OTUD7A: variants seen among roughly 807,000 people sequenced by gnomAD.
OTUD7A encodes OTU domain-containing protein 7A.
OTUD7A carries 12 observed loss-of-function variants against 65.7 expected under a neutral mutation model. That is an observed-to-expected ratio of 0.18 (90% CI 0.12 to 0.30). The LOEUF is 0.30. Ranked by LOEUF, OTUD7A falls within the 10% of genes least tolerant of loss-of-function variation. The pLI is 1.00. For synonymous variants in OTUD7A, 641 were observed against 586.3 expected (o/e 1.09, Z -1.35); for missense variants, 1,148 against 1,304.8 (o/e 0.88, Z 1.85).
chr15:31,741,284 C>T (rs184091009), intron 1 of OTUD7A, among the ~76,000 whole-genome samples: 88 of 152,150 alleles, frequency 5.8e-4, no homozygotes, highest in African/African-American at 2.0e-3. Flanking sequence ...GTGGTGGGAA[C>T]AAGGATATAG....
intron 3 of OTUD7A, among the ~76,000 whole-genome samples, chr15:31,581,524 T>C (rs1464477821): frequency 6.6e-6 from 1 of 152,266 alleles, no homozygotes; most frequent in African/African-American, 2.4e-5. Flanking sequence ...TGCATTTCCA[T>C]ACATCCTCTG....
chr15:31,853,553 C>T (rs1209224389), intron 1 of OTUD7A, among the ~76,000 whole-genome samples: 2 of 152,212 alleles, frequency 1.3e-5, no homozygotes, highest in Non-Finnish European at 2.9e-5. Context: ...ATGGCCTAGC[C>T]CCAATGTGGT....
At chr15:31,772,718 T>C (rs1360981375) in intron 1 of OTUD7A, among the ~76,000 whole-genome samples, 1 of 152,158 alleles carries the variant, frequency 6.6e-6, no homozygotes, top group Non-Finnish European at 1.5e-5. Flanking sequence ...AAAAACAAAC[T>C]CTTAAAAAGA....
chr15:31,519,334 C>T (rs8038614), intron 8 of OTUD7A, among the ~76,000 whole-genome samples: 2,393 of 152,314 alleles, frequency 0.016, 58 homozygotes, highest in African/African-American at 0.055. Context: ...GTTGAATCAT[C>T]CTTGCATTCC....
intron 8 of OTUD7A, among the ~76,000 whole-genome samples, chr15:31,515,538 T>G (rs1463589308): frequency 6.6e-6 from 1 of 152,206 alleles, no homozygotes; most frequent in African/African-American, 2.4e-5. Context: ...TCTGCCTTCA[T>G]GTAACATCTA....
intron 4 of OTUD7A, among the ~76,000 whole-genome samples, chr15:31,559,446 C>T (rs1566919987): frequency 6.6e-6 from 1 of 152,076 alleles, no homozygotes; most frequent in East Asian, 1.9e-4. Context: ...CACTTATAAG[C>T]AGAGATATAC....
intron 1 of OTUD7A, among the ~76,000 whole-genome samples, chr15:31,697,354 C>T (rs1893106629): frequency 6.9e-6 from 1 of 144,588 alleles, no homozygotes; most frequent in Non-Finnish European, 1.5e-5. Context: ...CACTCACCCA[C>T]ATTACTTTCT....
intron 3 of OTUD7A, among the ~76,000 whole-genome samples, chr15:31,643,437 C>A (rs139610848): frequency 3.9e-4 from 59 of 152,284 alleles, no homozygotes; most frequent in Admixed American, 2.2e-3. Context: ...TTTTTCATCT[C>A]AGATGTAGTC....
At chr15:31,833,681 C>G (rs1301669156) in intron 1 of OTUD7A, among the ~76,000 whole-genome samples, 1 of 152,240 alleles carries the variant, frequency 6.6e-6, no homozygotes, top group Non-Finnish European at 1.5e-5. Flanking sequence ...TTTATTGACA[C>G]TCTTTTAGAA....
Position 31,487,477 on chromosome 15 carries a change from C to G in OTUD7A, c.1261G>C (p.Asp421His). ...TGGGCCAGCCGGGCGTTATCGTTGT[C>G]GTCTTTCCCCCACTCCCAGTCCTTG... ...PGKDWEWGKD[D>H]NDNARLAHLI... is the part of the protein sequence containing the mutation. The change falls in exon 11 of 13, where the codon GAC becomes CAC. Residue 421 changes from aspartate (D) to histidine (H), a missense_variant. Physicochemically the swap from Asp to His is moderately conservative, Grantham distance 81. This residue lies in a region of OTUD7A where 842 missense variants were observed against 769.5 expected (regional missense o/e 1.09). Coordinates refer to ENST00000307050, the MANE Select transcript of OTUD7A (RefSeq NM_001382637.1). This position sits in a 1 kb window ranked among gnomAD's most constrained non-coding sequence, Gnocchi z 6.0. 2 of 1,614,020 alleles carry G rather than the reference C, an allele frequency of 1.2e-6. No homozygotes were observed. Among genetic ancestry groups the G allele is most frequent in the Non-Finnish European group, 1.7e-6 (2 of 1,180,006 alleles).
chr15:31,757,171 T>C (rs1279589446), intron 1 of OTUD7A, among the ~76,000 whole-genome samples: 3 of 152,058 alleles, frequency 2.0e-5, no homozygotes, highest in African/African-American at 7.2e-5. Context: ...CAGATCTCAT[T>C]AATCCTGCAC....
intron 4 of OTUD7A, among the ~76,000 whole-genome samples, chr15:31,562,991 T>C (rs559203368): frequency 6.6e-6 from 1 of 152,258 alleles, no homozygotes; most frequent in Admixed American, 6.5e-5. Context: ...AGAAACTCTG[T>C]AATTCAATAG....
intron 1 of OTUD7A, among the ~76,000 whole-genome samples, chr15:31,658,434 G>A (rs532768927): frequency 3.3e-5 from 5 of 152,202 alleles, no homozygotes; most frequent in East Asian, 1.9e-4. Context: ...CTTCAATTCC[G>A]TCTTCTTTCC....
intron 3 of OTUD7A, among the ~76,000 whole-genome samples, chr15:31,577,531 C>T (rs1229495322): frequency 6.6e-6 from 1 of 152,128 alleles, no homozygotes; most frequent in East Asian, 1.9e-4. Flanking sequence ...GTATACCTTA[C>T]ATGTATTGAT....
At position 31,483,959 on chromosome 15, in the gene OTUD7A, G is replaced by A; in HGVS notation, c.2137C>T (p.Pro713Ser). The A allele has an allele frequency of 8.8e-7, 1 of 1,131,498 alleles. No homozygotes were observed. Among genetic ancestry groups the A allele is most frequent in the South Asian group, 2.6e-5 (1 of 37,928 alleles). 70.1% of individuals were successfully genotyped at this position (1,131,498 alleles called of 1,614,324 possible). The stretch of plus-strand genomic sequence containing the variant: ...GGTGGGCCCGGAGAGGCGCGCTCCG[G>A]GACCGGCACGCCCTCCGTCTCCGGT... ...RRPETEGVPVPERASPGPPTQ... is the reference protein window; with the variant it reads ...RRPETEGVPVSERASPGPPTQ... Residue 713 changes from proline (P) to serine (S), a missense_variant, in exon 13 of 13, where the codon CCG (proline) becomes TCG (serine). By Grantham distance (74) the Pro-to-Ser change is moderately conservative (BLOSUM62 -1). Around this residue, in one of 6 missense-constraint regions of OTUD7A, gnomAD observed 842 missense variants for 769.5 expected, o/e 1.09. Coordinates refer to ENST00000307050, the MANE Select transcript of OTUD7A (RefSeq NM_001382637.1).
chr15:31,767,619 G>T, intron 1 of OTUD7A: 1 of 795,948 alleles, frequency 1.3e-6, no homozygotes, highest in Non-Finnish European at 2.3e-6. Context: ...ATAGTTTGCA[G>T]GTAGATCAGA....
intron 1 of OTUD7A, among the ~76,000 whole-genome samples, chr15:31,721,111 C>T (rs1390628131): frequency 1.3e-5 from 2 of 152,246 alleles, no homozygotes; most frequent in African/African-American, 2.4e-5. Context: ...CACACAATGA[C>T]AAAATCACCT....
intron 10 of OTUD7A, 69 bp downstream of exon 10, chr15:31,501,620 TG>T: frequency 6.3e-7 from 1 of 1,591,450 alleles, no homozygotes; most frequent in South Asian, 1.1e-5. Context: ...CCCCGTGCAA[TG>T]GGGTCCCTTC....
chr15:31,622,932 A>T (rs1890838522), intron 3 of OTUD7A, among the ~76,000 whole-genome samples: 1 of 152,092 alleles, frequency 6.6e-6, no homozygotes, highest in African/African-American at 2.4e-5. Context: ...TGACGTACAG[A>T]TGGGGTTTTG....
Sources: gnomAD v4.1 joint callset for allele counts (sites outside exome capture counted in the v4.1 genomes callset) on GRCh38, gnomAD v4.1.1 for gene constraint, gnomAD v4.1.1 regional missense constraint, Gnocchi (gnomAD v3.1) non-coding constraint, MANE v1.5 for transcripts, NCBI Gene and HGNC (gene_info 2026-07-23, HGNC 2026-07-21) for gene names.